Variants in COL21A1 observed in about 807,000 individuals in gnomAD.
The protein encoded by COL21A1 is collagen alpha-1(XXI) chain.
A neutral mutation model predicts 137.9 loss-of-function variants in COL21A1; 149 were observed. The observed-to-expected ratio is 1.08, with a 90% CI of 0.95 to 1.24. The LOEUF (loss-of-function observed/expected upper bound fraction) is 1.24. Ranked by LOEUF, COL21A1 falls within the 50% of genes most tolerant of loss-of-function variation. The pLI, the probability that COL21A1 is intolerant of heterozygous loss-of-function variation, is 0.00. For synonymous variants in COL21A1, 456 were observed against 391.5 expected, an observed-to-expected ratio of 1.16 and a Z score of -1.95; for missense variants, 1,167 against 1,158.4, an observed-to-expected ratio of 1.01 and a Z score of -0.11.
At chr6:56,142,227 CTTAAA>C (rs1774468957) in intron 10 of COL21A1, among the ~76,000 whole-genome samples, 1 of 152,016 alleles carries the variant, frequency 6.6e-6, no homozygotes. Flanking sequence ...TTTAGAAAAT[CTTAAA>C]TTAAGAGGAG....
intron 1 of COL21A1, among the ~76,000 whole-genome samples, chr6:56,296,651 G>A (rs1240695360): frequency 2.0e-5 from 3 of 151,978 alleles, no homozygotes; most frequent in Non-Finnish European, 4.4e-5. Flanking sequence ...TATTTAGGCT[G>A]TGTCTTGAAT....
intron 9 of COL21A1, among the ~76,000 whole-genome samples, chr6:56,161,422 G>A (rs971969928): frequency 1.3e-5 from 2 of 152,060 alleles, no homozygotes; most frequent in African/African-American, 4.8e-5. Flanking sequence ...TGCAAGCTGG[G>A]GTGGACCTGG....
chr6:56,057,678 G>C lies in COL21A1; in HGVS notation c.2853C>G (p.Phe951Leu), dbSNP rs1321533965. The C allele has an allele frequency of 1.2e-6, 2 of 1,613,032 alleles. No individual in the cohort carries two copies. The highest frequency in any genetic ancestry group is 2.7e-5 in the African/African-American group (2 of 74,870). ...CFSVIARRDP[F>L]RKGPNY ...GACACTAATAGTTTGGTCCTTTTCT[G>C]AACGGATCTCTTCTGGCAATTACAC... The change falls in exon 30 of 30, where the codon TTC becomes TTG. Residue 951 changes from phenylalanine to leucine, a missense_variant. Coordinates refer to ENST00000244728, the MANE Select transcript of COL21A1 (RefSeq NM_030820.4).
At chr6:56,088,299 G>A (rs1408325095) in intron 17 of COL21A1, among the ~76,000 whole-genome samples, 1 of 151,192 alleles carries the variant, frequency 6.6e-6, no homozygotes, top group Non-Finnish European at 1.5e-5. Flanking sequence ...GGGAGGTGGA[G>A]GTTGCAGTGA....
intron 16 of COL21A1, among the ~76,000 whole-genome samples, chr6:56,120,814 A>C (rs1013547743): frequency 6.6e-6 from 1 of 151,962 alleles, no homozygotes; most frequent in Non-Finnish European, 1.5e-5. Context: ...AAAAAAAAAA[A>C]AAACTAAAAA....
chr6:56,272,271 T>C (rs1407902571), intron 1 of COL21A1, among the ~76,000 whole-genome samples: 2 of 152,126 alleles, frequency 1.3e-5, no homozygotes, highest in East Asian at 3.9e-4. Context: ...AGACCTGGAG[T>C]CATAGGAGAT....
intron 16 of COL21A1, among the ~76,000 whole-genome samples, chr6:56,121,469 T>C (rs1157640455): frequency 2.1e-5 from 3 of 141,658 alleles, no homozygotes; most frequent in Non-Finnish European, 4.6e-5. Flanking sequence ...TTTTGTCATA[T>C]GTATATATAT....
intron 1 of COL21A1, among the ~76,000 whole-genome samples, chr6:56,255,626 T>A (rs1782950604): frequency 6.6e-6 from 1 of 152,218 alleles, no homozygotes; most frequent in South Asian, 2.1e-4. Flanking sequence ...TGGGTGGGCA[T>A]GAATGCCTTG....
At chr6:56,359,367 A>G (rs1765913615) in intron 1 of COL21A1, among the ~76,000 whole-genome samples, 1 of 152,124 alleles carries the variant, frequency 6.6e-6, no homozygotes. Flanking sequence ...CCCCTTCAAA[A>G]TGAACTATGA....
At chr6:56,208,355 A>C (rs897993542) in intron 1 of COL21A1, among the ~76,000 whole-genome samples, 38 of 152,176 alleles carry the variant, frequency 2.5e-4, no homozygotes, top group African/African-American at 8.7e-4. Flanking sequence ...ATGTGTAAAA[A>C]TCACAAGCAT....
At chr6:56,143,470 G>A (rs1165260373) in intron 10 of COL21A1, among the ~76,000 whole-genome samples, 2 of 151,956 alleles carry the variant, frequency 1.3e-5, no homozygotes, top group African/African-American at 4.8e-5. Context: ...AAAGTGCTAG[G>A]ATTACAGGCG....
chr6:56,174,245 A>G (rs1777280908), intron 3 of COL21A1, among the ~76,000 whole-genome samples: 1 of 152,106 alleles, frequency 6.6e-6, no homozygotes, highest in African/African-American at 2.4e-5. Context: ...CAAATAATCA[A>G]ATAAACAACT....
At chr6:56,132,444 C>T (rs747648546) in intron 12 of COL21A1, among the ~76,000 whole-genome samples, 15 of 151,968 alleles carry the variant, frequency 9.9e-5, no homozygotes, top group Non-Finnish European at 1.6e-4. Context: ...ATTAGCCCTG[C>T]CAATATTAAG....
At chr6:56,065,273 A>G (rs1370687586) in intron 23 of COL21A1, among the ~76,000 whole-genome samples, 2 of 152,070 alleles carry the variant, frequency 1.3e-5, no homozygotes, top group Admixed American at 6.6e-5. Flanking sequence ...CACCTAGATA[A>G]GGTAATCGAT....
intron 17 of COL21A1, 32 bp from the exon 18 acceptor site, chr6:56,077,605 T>TA (rs764604812): frequency 2.2e-6 from 3 of 1,367,458 alleles, no homozygotes; most frequent in African/African-American, 1.5e-5. Context: ...TTTTAACTTA[T>TA]AAAAAATTGA....
At chr6:56,069,856 C>A (rs996500899) in intron 21 of COL21A1, among the ~76,000 whole-genome samples, 5 of 150,682 alleles carry the variant, frequency 3.3e-5, no homozygotes, top group African/African-American at 4.9e-5. Context: ...AATGAACATC[C>A]TGGTAGTTAA....
intron 16 of COL21A1, among the ~76,000 whole-genome samples, chr6:56,109,180 A>G (rs1771203141): frequency 6.6e-6 from 1 of 151,800 alleles, no homozygotes; most frequent in East Asian, 1.9e-4. Context: ...TGTAGGAAAA[A>G]AGAATAAAGA....
chr6:56,202,855 A>G (rs9475620), intron 1 of COL21A1, among the ~76,000 whole-genome samples: 1 of 152,182 alleles, frequency 6.6e-6, no homozygotes, highest in Non-Finnish European at 1.5e-5. Flanking sequence ...AAGAATATAC[A>G]TGTCTATATA....
intron 1 of COL21A1, among the ~76,000 whole-genome samples, chr6:56,195,227 G>A (rs1006396856): frequency 5.3e-5 from 8 of 152,042 alleles, no homozygotes; most frequent in Non-Finnish European, 1.0e-4. Context: ...AACAGAAAAC[G>A]TACTAAAACA....
Sources: allele counts gnomAD v4.1 joint callset (sites outside exome capture counted in the v4.1 genomes callset), GRCh38; gene constraint gnomAD v4.1.1; transcripts MANE v1.5; gene names NCBI Gene and HGNC (gene_info 2026-07-23, HGNC 2026-07-21).